SFMBT1: variants seen among roughly 807,000 people sequenced by gnomAD.
The protein encoded by SFMBT1 is scm-like with four MBT domains protein 1.
SFMBT1 carries 32 observed loss-of-function variants against 108.7 expected under a neutral mutation model. The observed-to-expected ratio is 0.29, with a 90% CI of 0.22 to 0.40. The LOEUF is 0.40. Among genes scored for constraint, SFMBT1 ranks in the 10% least tolerant of loss-of-function variants. The pLI, the probability that SFMBT1 is intolerant of heterozygous loss-of-function variation, is 1.00. For missense variants in SFMBT1, 816 were observed against 1,059.6 expected, an observed-to-expected ratio of 0.77 and a Z score of 3.19; for synonymous variants, 348 against 369.5, an observed-to-expected ratio of 0.94 and a Z score of 0.67.
At chr3:52,961,153 T>A (rs937568767) in intron 2 of SFMBT1, among the ~76,000 whole-genome samples, 3 of 151,862 alleles carry the variant, frequency 2.0e-5, no homozygotes, top group African/African-American at 7.3e-5. Flanking sequence ...TTCTGACACA[T>A]ACTACAACAT....
At chr3:52,965,427 C>CA (rs35581240) in intron 2 of SFMBT1, among the ~76,000 whole-genome samples, 11,218 of 133,536 alleles carry the variant, frequency 0.084, 485 homozygotes, top group East Asian at 0.12. Context: ...AAACTAAAGG[C>CA]AAAAAAAAAA....
At chr3:52,930,656 G>A (rs1345249125) in intron 7 of SFMBT1, among the ~76,000 whole-genome samples, 1 of 151,910 alleles carries the variant, frequency 6.6e-6, no homozygotes, top group Non-Finnish European at 1.5e-5. Context: ...TCAAAGACAA[G>A]GAATATCTGG....
At chr3:52,957,212 C>T (rs568439500) in intron 2 of SFMBT1, among the ~76,000 whole-genome samples, 41 of 152,106 alleles carry the variant, frequency 2.7e-4, no homozygotes, top group Non-Finnish European at 4.3e-4. Context: ...CATGAATGAA[C>T]TTCCATTCAC....
chr3:53,001,204 G>A (rs1362527986), intron 1 of SFMBT1, among the ~76,000 whole-genome samples: 2 of 150,206 alleles, frequency 1.3e-5, no homozygotes, highest in African/African-American at 2.4e-5. Context: ...ACATAAACAA[G>A]TACACATAAA....
At chr3:52,937,883 C>T (rs1270507555) in intron 4 of SFMBT1, among the ~76,000 whole-genome samples, 1 of 152,002 alleles carries the variant, frequency 6.6e-6, no homozygotes, top group Non-Finnish European at 1.5e-5. Flanking sequence ...GCCTGGCCAA[C>T]GATTTACTCT....
chr3:52,980,350 C>T (rs1251787663), intron 1 of SFMBT1, among the ~76,000 whole-genome samples: 4 of 152,126 alleles, frequency 2.6e-5, no homozygotes, highest in East Asian at 3.8e-4. Context: ...TGCTGTATGA[C>T]ACTAATCATC....
intron 1 of SFMBT1, among the ~76,000 whole-genome samples, chr3:53,028,131 T>A (rs894565702): frequency 1.3e-5 from 2 of 152,154 alleles, no homozygotes; most frequent in Admixed American, 6.5e-5. Flanking sequence ...TGCTCTGTCA[T>A]CCAGGGTGGA....
Position 52,927,205 on chromosome 3 carries a change from G to A in SFMBT1, c.1048+986C>T, listed in dbSNP as rs117333933. On this transcript the variant is annotated intron_variant, in intron 9 of 20. Coordinates refer to ENST00000394752, the MANE Select transcript of SFMBT1 (RefSeq NM_016329.4). Reference sequence around the variant, plus strand: ...GCATTCATCTGCTGTGTTCACTGATGGAGGAGACTCTAGGAAGTTCTGTTA... The same window carrying A: ...GCATTCATCTGCTGTGTTCACTGATAGAGGAGACTCTAGGAAGTTCTGTTA... Among the ~76,000 whole-genome samples, 19 of 152,228 alleles carry A rather than the reference G, an allele frequency of 1.2e-4. No homozygotes were observed. In the East Asian group the frequency reaches 3.5e-3, roughly 28 times the overall value.
chr3:52,910,393 A>G (rs1249254168), intron 17 of SFMBT1, among the ~76,000 whole-genome samples: 6 of 152,224 alleles, frequency 3.9e-5, no homozygotes, highest in Non-Finnish European at 5.9e-5. Flanking sequence ...CATGCTATAT[A>G]TAAAAGTTGG....
Position 53,003,759 on chromosome 3 carries a change from C to CAAAAAAAAAAAAA in SFMBT1, c.-130-34514_-130-34502dup, listed in dbSNP as rs370165165. Among the ~76,000 whole-genome samples, 5 of 81,946 alleles carry CAAAAAAAAAAAAA rather than the reference C, an allele frequency of 6.1e-5. 1 individual carries two copies. Among genetic ancestry groups the CAAAAAAAAAAAAA allele is most frequent in the Non-Finnish European group, 4.7e-5 (2 of 42,492 alleles). The allele number at this position is 81,946 out of a possible 152,430, so 53.8% of individuals were successfully genotyped here. ...GCATTTGTCAGTACCATAGAAAGGTCAAAAAAAAAAAAAAAAGAAAAGAAA... is the reference window on the plus strand; with the variant it reads ...GCATTTGTCAGTACCATAGAAAGGTCAAAAAAAAAAAAAAAAAAAAAAAAAAAAAGAAAAGAAA... On this transcript the variant is annotated intron_variant, in intron 1 of 20. Transcript: ENST00000394752.
At chr3:52,995,663 G>A (rs1427241862) in intron 1 of SFMBT1, among the ~76,000 whole-genome samples, 2 of 150,038 alleles carry the variant, frequency 1.3e-5, no homozygotes, top group East Asian at 1.9e-4. Context: ...GCCTCCCAAA[G>A]TGCTGGGATT....
intron 1 of SFMBT1, among the ~76,000 whole-genome samples, chr3:53,011,392 C>A (rs905358659): frequency 2.0e-5 from 3 of 152,046 alleles, no homozygotes; most frequent in Non-Finnish European, 4.4e-5. Flanking sequence ...ATAACGAGGC[C>A]CCACAGAAGA....
intron 1 of SFMBT1, among the ~76,000 whole-genome samples, chr3:53,001,385 C>G (rs1698542117): frequency 6.7e-6 from 1 of 149,944 alleles, no homozygotes; most frequent in African/African-American, 2.4e-5. Flanking sequence ...GAGCCATGAT[C>G]GTGTGTCACT....
At chr3:53,041,958 T>C (rs1354876814) in intron 1 of SFMBT1, among the ~76,000 whole-genome samples, 4 of 152,182 alleles carry the variant, frequency 2.6e-5, no homozygotes, top group African/African-American at 7.2e-5. Flanking sequence ...CATAAGGAAG[T>C]TGTATCATTT....
intron 1 of SFMBT1, among the ~76,000 whole-genome samples, chr3:53,017,071 C>T (rs527465808): frequency 7.7e-4 from 118 of 152,316 alleles, no homozygotes; most frequent in Admixed American, 3.6e-3. Context: ...ATCTACTATG[C>T]TACTATGCTG....
chr3:53,029,392 T>C (rs1382036308), intron 1 of SFMBT1, among the ~76,000 whole-genome samples: 1 of 152,202 alleles, frequency 6.6e-6, no homozygotes, highest in Non-Finnish European at 1.5e-5. Flanking sequence ...TACAAAGGCA[T>C]ATACAACACT....
chr3:52,944,497 G>A (rs572743023), intron 3 of SFMBT1, among the ~76,000 whole-genome samples: 86 of 152,198 alleles, frequency 5.7e-4, no homozygotes, highest in African/African-American at 2.0e-3. Context: ...CAAATATAGT[G>A]TACAAATTTT....
chr3:53,000,015 CATCA>C, intron 1 of SFMBT1, among the ~76,000 whole-genome samples: 1 of 150,102 alleles, frequency 6.7e-6, no homozygotes, highest in South Asian at 2.1e-4. Context: ...TGTGCCACCA[CATCA>C]GCCCGGCTAA....
intron 1 of SFMBT1, among the ~76,000 whole-genome samples, chr3:52,997,859 T>C (rs1413080450): frequency 1.3e-5 from 2 of 150,638 alleles, no homozygotes; most frequent in Non-Finnish European, 3.0e-5. Flanking sequence ...ACTTACAATA[T>C]AAAACATGCT....
Sources: gnomAD v4.1 joint callset for allele counts (sites outside exome capture counted in the v4.1 genomes callset) on GRCh38, gnomAD v4.1.1 for gene constraint, MANE v1.5 for transcripts, NCBI Gene and HGNC (gene_info 2026-07-23, HGNC 2026-07-21) for gene names.